The following COL5A2 variants were observed in gnomAD, a reference collection of about 807,000 sequenced individuals.
COL5A2 encodes collagen type V alpha 2 chain.
A neutral mutation model predicts 208.2 loss-of-function variants in COL5A2; 23 were observed. The ratio of observed to expected loss-of-function variants is 0.11; its 90% CI spans 0.08 to 0.16. The LOEUF is 0.16. COL5A2 is among the 10% of genes least tolerant of loss of function. The pLI is 1.00. For synonymous variants in COL5A2, 625 were observed against 628.5 expected (o/e 0.99, Z 0.08); for missense variants, 1,590 against 1,956.4 (o/e 0.81, Z 3.53).
At chr2:189,376,313 T>C in the COL5A2 span, among the ~76,000 whole-genome samples, 2 of 152,176 alleles carry the variant, frequency 1.3e-5, no homozygotes, top group Non-Finnish European at 2.9e-5. Flanking sequence ...CCAAGTACAT[T>C]TATGTCTTTC....
intron 1 of COL5A2, among the ~76,000 whole-genome samples, chr2:189,153,557 GATA>G (rs1647499933): frequency 6.6e-6 from 1 of 152,190 alleles, no homozygotes; most frequent in South Asian, 2.1e-4. Flanking sequence ...TTACAGGAAA[GATA>G]ATGAAGAAAG....
intron 1 of COL5A2, among the ~76,000 whole-genome samples, chr2:189,114,631 T>A (rs115627827): frequency 0.16 from 19,807 of 122,822 alleles, 1,387 homozygotes; most frequent in Middle Eastern, 0.24. Flanking sequence ...GCCCAGGACT[T>A]AAAAAAAAAA....
chr2:189,280,110 G>A, the COL5A2 span, among the ~76,000 whole-genome samples: 1 of 152,048 alleles, frequency 6.6e-6, no homozygotes, highest in African/African-American at 2.4e-5. Context: ...CCATGCTCTT[G>A]TACTTCCCAA....
the COL5A2 span, among the ~76,000 whole-genome samples, chr2:189,262,847 T>C: frequency 6.6e-6 from 1 of 152,156 alleles, no homozygotes; most frequent in Non-Finnish European, 1.5e-5. Flanking sequence ...GGATTTATAA[T>C]AAGTAGGACA....
At chr2:189,335,342 A>C in the COL5A2 span, among the ~76,000 whole-genome samples, 2 of 152,128 alleles carry the variant, frequency 1.3e-5, no homozygotes, top group Non-Finnish European at 2.9e-5. Context: ...AGAAATTGGA[A>C]ACCTCACACA....
chr2:189,261,156 T>C, the COL5A2 span, among the ~76,000 whole-genome samples: 3 of 152,158 alleles, frequency 2.0e-5, no homozygotes, highest in Admixed American at 1.3e-4. Context: ...AATATAATCA[T>C]GCGGATTCCA....
chr2:189,151,396 A>C (rs1688139038), intron 1 of COL5A2, among the ~76,000 whole-genome samples: 1 of 152,188 alleles, frequency 6.6e-6, no homozygotes, highest in African/African-American at 2.4e-5. Context: ...GAGCAAAGAC[A>C]ATCTAGATAA....
At chr2:189,072,164 T>A (rs754083397) in intron 17 of COL5A2, 71 bp from the exon 18 acceptor site, 427 of 1,068,312 alleles carry the variant, frequency 4.0e-4, no homozygotes, top group Non-Finnish European at 5.5e-4. Context: ...TTTTTTAGAG[T>A]TTGGCGTCAT....
chr2:189,108,823 A>T (rs930412101), intron 2 of COL5A2, among the ~76,000 whole-genome samples: 2 of 151,444 alleles, frequency 1.3e-5, no homozygotes, highest in East Asian at 3.9e-4. Context: ...CCCTTGCTTT[A>T]TTTTGTGTGA....
In COL5A2 at chr2:189,104,219, T is replaced by G. The variant is rs777358706; in HGVS notation, c.336+45A>C. ...ACAGTTCTGTGTGGATAGTATTGGA[T>G]ATAAGTCTGCTTATGAAAAAGAAAA... On this transcript the variant is annotated intron_variant, in intron 3 of 53. Transcript: ENST00000374866. 5.0e-6 allele frequency: 7 copies of G among 1,399,770 alleles called. No individual in the cohort carries two copies. In the South Asian group the frequency reaches 8.1e-5, roughly 16 times the overall value. The allele number at this position is 1,399,770 out of a possible 1,614,324, so 86.7% of individuals were successfully genotyped here.
intron 1 of COL5A2, among the ~76,000 whole-genome samples, chr2:189,164,040 T>G (rs969604846): frequency 1.3e-5 from 2 of 152,194 alleles, no homozygotes; most frequent in East Asian, 3.8e-4. Context: ...TCTACACAAG[T>G]AGAGAGTCTT....
the COL5A2 span, among the ~76,000 whole-genome samples, chr2:189,252,924 T>C: frequency 6.6e-6 from 1 of 152,136 alleles, no homozygotes; most frequent in Non-Finnish European, 1.5e-5. Context: ...AAAATTGGAC[T>C]CCAGCCAGAT....
rs1685656427 is a variant in COL5A2 at position 189,045,869 on chromosome 2, G to A, written c.3240C>T (p.Gly1080=). Residue 1080 remains glycine, a synonymous_variant, in exon 46 of 54, where the codon GGC becomes GGT. Transcript: ENST00000374866. ...CAGGAGTTCCAGGGGCACCCTGAGA[G>A]CCTGGCAGACCTGCAGGCCCAGGGT... The part of the protein sequence containing the change: ...RGDPGPAGLP[G]SQGAPGTPGP... 1 of 1,614,032 alleles carries A rather than the reference G, an allele frequency of 6.2e-7. No homozygotes were observed. Among genetic ancestry groups the A allele is most frequent in the African/African-American group, 1.3e-5 (1 of 74,932 alleles).
chr2:189,038,197 CT>C (rs1176399892), intron 51 of COL5A2, among the ~76,000 whole-genome samples: 4 of 152,156 alleles, frequency 2.6e-5, no homozygotes, highest in Non-Finnish European at 4.4e-5. Flanking sequence ...ACCCTCCCCC[CT>C]GTAGTAGCCT....
At chr2:189,254,529 G>A in the COL5A2 span, among the ~76,000 whole-genome samples, 1 of 152,234 alleles carries the variant, frequency 6.6e-6, no homozygotes, top group Non-Finnish European at 1.5e-5. Flanking sequence ...GTCTAGGAGT[G>A]GGAAAGAGGG....
intron 1 of COL5A2, among the ~76,000 whole-genome samples, chr2:189,188,328 G>A: frequency 6.6e-6 from 1 of 152,052 alleles, no homozygotes; most frequent in Non-Finnish European, 1.5e-5. Context: ...TGTTAGAAAG[G>A]CAAATGAAAA....
intron 1 of COL5A2, among the ~76,000 whole-genome samples, chr2:189,168,242 T>G (rs995916190): frequency 1.3e-5 from 2 of 151,058 alleles, no homozygotes; most frequent in African/African-American, 4.9e-5. Flanking sequence ...CCCGGGTTTT[T>G]TTTTTTTTTT....
chr2:189,410,854 C>A, the COL5A2 span, among the ~76,000 whole-genome samples: 1 of 152,036 alleles, frequency 6.6e-6, no homozygotes, highest in Non-Finnish European at 1.5e-5. Flanking sequence ...TTTTACAGTA[C>A]AAATGGTCAC....
At chr2:189,334,134 G>A in the COL5A2 span, among the ~76,000 whole-genome samples, 17 of 151,842 alleles carry the variant, frequency 1.1e-4, no homozygotes, top group Non-Finnish European at 8.8e-5. Context: ...ATAATAAAAG[G>A]CATTTATTTT....
Sources: allele counts gnomAD v4.1 joint callset (sites outside exome capture counted in the v4.1 genomes callset), GRCh38; gene constraint gnomAD v4.1.1; transcripts MANE v1.5; gene names NCBI Gene and HGNC (gene_info 2026-07-23, HGNC 2026-07-21).